Variants in CRTAC1 observed in about 807,000 individuals in gnomAD.
CRTAC1 encodes acidic secreted protein in cartilage.
A neutral mutation model predicts 67.8 loss-of-function variants in CRTAC1; 37 were observed. That is an observed-to-expected ratio of 0.55 (90% CI 0.42 to 0.72). CRTAC1 has a LOEUF of 0.72. Ranked by LOEUF, CRTAC1 falls within the 30% of genes least tolerant of loss-of-function variation. CRTAC1 has a pLI of 0.00. For synonymous variants in CRTAC1, 348 were observed against 371.0 expected (o/e 0.94, Z 0.71); for missense variants, 780 against 931.6 (o/e 0.84, Z 2.12).
intron 5 of CRTAC1, among the ~76,000 whole-genome samples, chr10:97,913,671 G>T (rs1426677818): frequency 6.6e-6 from 1 of 152,142 alleles, no homozygotes; most frequent in African/African-American, 2.4e-5. Flanking sequence ...CTGGGCTTTG[G>T]GTACCCCTAG....
intron 2 of CRTAC1, among the ~76,000 whole-genome samples, chr10:97,974,303 C>T (rs1343943153): frequency 1.3e-5 from 2 of 152,140 alleles, no homozygotes; most frequent in East Asian, 3.9e-4. Flanking sequence ...CCAGCAGGCT[C>T]CCCCCCTGCT....
intron 2 of CRTAC1, among the ~76,000 whole-genome samples, chr10:98,008,851 C>A (rs988029331): frequency 3.9e-5 from 6 of 152,086 alleles, no homozygotes; most frequent in Non-Finnish European, 8.8e-5. Flanking sequence ...CTGTCAGTCC[C>A]CAGGGTCTAT....
At position 97,904,879 on chromosome 10, in the gene CRTAC1, G is replaced by A; in HGVS notation, c.851-65C>T. On this transcript the variant is annotated intron_variant, in intron 6 of 14. Coordinates refer to ENST00000370597, the MANE Select transcript of CRTAC1 (RefSeq NM_018058.7). ...TGCACACTCCACAAACACTCACCCT[G>A]CTCTAGCTCTGTGACAAGCAACTAG... The A allele has an allele frequency of 2.0e-6, 3 of 1,473,822 alleles. No homozygotes were observed. In the African/African-American group the frequency reaches 4.4e-5, roughly 21 times the overall value. 91.3% of individuals were successfully genotyped at this position (1,473,822 alleles called of 1,614,324 possible).
chr10:97,950,240 C>CAGAGAGAGAGGGAGAG (rs1336847727), intron 2 of CRTAC1, among the ~76,000 whole-genome samples: 8 of 104,224 alleles, frequency 7.7e-5, no homozygotes, highest in African/African-American at 2.6e-4. Context: ...CGTGCACACA[C>CAGAGAGAGAGGGAGAG]ACACACAGAG....
At position 97,983,584 on chromosome 10, in the gene CRTAC1, G is replaced by A. The variant is rs1158078152; in HGVS notation, c.224+27554C>T. 5.4e-5 allele frequency among the ~76,000 whole-genome samples: 8 copies of A among 148,062 alleles called. 1 individual carries two copies. The highest frequency in any genetic ancestry group is 1.5e-5 in the Non-Finnish European group (1 of 68,004). ...CAAGGGACAGAAATCAATTCTGAGA[G>A]CTTCATTCTTCCTTTGTTTCTCTAT... On this transcript the variant is annotated intron_variant, in intron 2 of 14. Transcript: ENST00000370597.
rs566168334 is a variant in CRTAC1 at position 97,947,361 on chromosome 10, A to G, written c.225-10995T>C. 1.6e-4 allele frequency among the ~76,000 whole-genome samples: 25 copies of G among 152,334 alleles called. No individual in the cohort carries two copies. In the South Asian group the frequency reaches 5.0e-3, roughly 30 times the overall value. On this transcript the variant is annotated intron_variant, in intron 2 of 14. Coordinates refer to ENST00000370597, the MANE Select transcript of CRTAC1 (RefSeq NM_018058.7). ...CAGAGGGCCAAAAATTGTTGGGGTA[A>G]AAGTTTTAATAAAGGTTTGTTTGAT...
chr10:97,953,422 G>A (rs564164465), intron 2 of CRTAC1, among the ~76,000 whole-genome samples: 7 of 152,228 alleles, frequency 4.6e-5, no homozygotes, highest in East Asian at 1.9e-4. Flanking sequence ...CAGCCCAGCC[G>A]GAGGTCTCTG....
intron 2 of CRTAC1, among the ~76,000 whole-genome samples, chr10:97,949,973 C>A (rs1385200563): frequency 2.0e-5 from 3 of 152,104 alleles, no homozygotes; most frequent in Non-Finnish European, 2.9e-5. Context: ...AATGGGAGCT[C>A]AAAAAATATT....
At chr10:97,871,618 A>G (rs2050094148) in intron 14 of CRTAC1, 1 of 152,222 alleles carries the variant, frequency 6.6e-6, no homozygotes, top group South Asian at 2.1e-4. Context: ...TGGGGTGTTG[A>G]AATCTTATTT....
At chr10:97,942,784 A>C (rs1223356348) in intron 2 of CRTAC1, among the ~76,000 whole-genome samples, 1 of 151,898 alleles carries the variant, frequency 6.6e-6, no homozygotes, top group African/African-American at 2.4e-5. Flanking sequence ...AAAAAAAAAA[A>C]GGCTGGGTAT....
At chr10:97,968,771 G>T (rs1261147070) in intron 2 of CRTAC1, among the ~76,000 whole-genome samples, 1 of 152,174 alleles carries the variant, frequency 6.6e-6, no homozygotes, top group Non-Finnish European at 1.5e-5. Context: ...CTGAAGCCTT[G>T]TCTGAAAAGA....
At chr10:97,898,925 A>G (rs1446654698) in intron 8 of CRTAC1, among the ~76,000 whole-genome samples, 1 of 151,994 alleles carries the variant, frequency 6.6e-6, no homozygotes, top group East Asian at 1.9e-4. Flanking sequence ...AATTATTAAG[A>G]GGGCTCCCTT....
rs1197823512 is a variant in CRTAC1 at position 97,936,195 on chromosome 10, G to A, written c.396C>T (p.Phe132=). Residue 132 remains phenylalanine, a synonymous_variant, in exon 3 of 15, where the codon TTC becomes TTT. Transcript: ENST00000370597. Reference sequence around the variant, plus strand: ...CCGAGAAGGCATTATTGGTGTTGAGGAAGTAGATCTCCTCCCGGCCGTCCC... The same window carrying A: ...CCGAGAAGGCATTATTGGTGTTGAGAAAGTAGATCTCCTCCCGGCCGTCCC... The part of the protein sequence containing the change: ...IDGDGREEIY[F]LNTNNAFSGV... 1 of 1,613,098 alleles carries A rather than the reference G, an allele frequency of 6.2e-7. No homozygotes were observed. Among genetic ancestry groups the A allele is most frequent in the South Asian group, 1.1e-5 (1 of 90,864 alleles).
At chr10:97,936,780 T>A (rs749427013) in intron 2 of CRTAC1, among the ~76,000 whole-genome samples, 4 of 152,228 alleles carry the variant, frequency 2.6e-5, no homozygotes, top group Non-Finnish European at 5.9e-5. Context: ...GAGGTAGGCA[T>A]GTATTAGTAA....
At chr10:97,970,822 G>A (rs906110479) in intron 2 of CRTAC1, among the ~76,000 whole-genome samples, 14 of 152,202 alleles carry the variant, frequency 9.2e-5, no homozygotes, top group South Asian at 2.1e-4. Context: ...ACACAGACGG[G>A]CAGTGCTACA....
In CRTAC1 at chr10:97,977,451, C is replaced by T. The variant is rs138944562; in HGVS notation, c.224+33687G>A. Among the ~76,000 whole-genome samples the T allele has an allele frequency of 7.2e-3, 1,097 of 152,216 alleles. 14 individuals carry two copies. The highest frequency in any genetic ancestry group is 0.024 in the African/African-American group (976 of 41,480). ...ATGGGGCAGGACACTGTGAAAGGTC[C>T]CCCAAATCAAGTCTTGTCAGTTTTT... On this transcript the variant is annotated intron_variant, in intron 2 of 14. Transcript: ENST00000370597.
At chr10:97,916,941 G>A (rs1202001839) in intron 5 of CRTAC1, among the ~76,000 whole-genome samples, 2 of 150,326 alleles carry the variant, frequency 1.3e-5, no homozygotes, top group Non-Finnish European at 2.9e-5. Context: ...AGAAAGATGA[G>A]GGGAGAGCGT....
intron 8 of CRTAC1, 86 bp downstream of exon 8, chr10:97,901,417 C>A (rs893587401): frequency 4.0e-5 from 63 of 1,558,942 alleles, no homozygotes; most frequent in Non-Finnish European, 5.1e-5. Context: ...GGAACCCTCC[C>A]CTTCTGATTC....
intron 14 of CRTAC1, among the ~76,000 whole-genome samples, chr10:97,877,821 G>A (rs531676): frequency 0.46 from 69,619 of 152,064 alleles, 16,299 homozygotes; most frequent in East Asian, 0.65. Flanking sequence ...ATTCATGGTT[G>A]TCACTTATAA....
Sources: gnomAD v4.1 joint callset for allele counts (sites outside exome capture counted in the v4.1 genomes callset) on GRCh38, gnomAD v4.1.1 for gene constraint, MANE v1.5 for transcripts, NCBI Gene and HGNC (gene_info 2026-07-23, HGNC 2026-07-21) for gene names.